Variants in LHFPL2 observed in about 807,000 individuals in gnomAD.
LHFPL2 encodes the protein LHFPL tetraspan subfamily member 2.
Under a neutral mutation model 17.5 loss-of-function variants are expected in LHFPL2, and 7 were observed. The observed-to-expected ratio is 0.40, with a 90% confidence interval of 0.23 to 0.75. The LOEUF (loss-of-function observed/expected upper bound fraction) is 0.75, where lower values mean the gene tolerates loss of function less well. Among genes scored for constraint, LHFPL2 ranks in the 30% least tolerant of loss-of-function variants. The probability of loss-of-function intolerance (pLI) is 0.37; values close to 1 mark genes in which losing one functional copy is unlikely to be tolerated. For synonymous variants in LHFPL2, 134 were observed against 116.2 expected, an observed-to-expected ratio of 1.15 and a Z score of -0.99; for missense variants, 241 against 294.8, an observed-to-expected ratio of 0.82 and a Z score of 1.34.
intron 2 of LHFPL2, among the ~76,000 whole-genome samples, chr5:78,605,166 T>C (rs764455080): frequency 6.6e-6 from 1 of 152,238 alleles, no homozygotes; most frequent in Non-Finnish European, 1.5e-5. Context: ...GCAGAAGCCA[T>C]GGCTTGGCTT....
intron 3 of LHFPL2, among the ~76,000 whole-genome samples, chr5:78,550,067 G>A (rs1204926795): frequency 1.3e-5 from 2 of 152,126 alleles, no homozygotes; most frequent in East Asian, 1.9e-4. Flanking sequence ...TAAATTCCAC[G>A]TTTGAAATTC....
intron 2 of LHFPL2, among the ~76,000 whole-genome samples, chr5:78,578,864 G>T (rs748951117): frequency 5.3e-5 from 8 of 152,154 alleles, no homozygotes; most frequent in Non-Finnish European, 1.2e-4. Flanking sequence ...TTGTAACAAA[G>T]TACAATGGCC....
At chr5:78,545,349 A>T (rs1454356188) in intron 3 of LHFPL2, among the ~76,000 whole-genome samples, 1 of 152,192 alleles carries the variant, frequency 6.6e-6, no homozygotes, top group East Asian at 1.9e-4. Flanking sequence ...CTCTGTGAAG[A>T]TCCAGCATGG....
At chr5:78,600,008 A>C (rs1398824592) in intron 2 of LHFPL2, among the ~76,000 whole-genome samples, 1 of 152,154 alleles carries the variant, frequency 6.6e-6, no homozygotes, top group Non-Finnish European at 1.5e-5. Context: ...CCTCTCACTC[A>C]GATTAATAAT....
At chr5:78,558,040 T>C (rs1344556864) in intron 3 of LHFPL2, among the ~76,000 whole-genome samples, 1 of 152,174 alleles carries the variant, frequency 6.6e-6, no homozygotes, top group Non-Finnish European at 1.5e-5. Context: ...CAGTTTCAGT[T>C]AGGGAGTCAT....
At chr5:78,593,322 G>A (rs1743710067) in intron 2 of LHFPL2, among the ~76,000 whole-genome samples, 2 of 152,134 alleles carry the variant, frequency 1.3e-5, no homozygotes, top group Admixed American at 6.5e-5. Context: ...TTAAGGAAAA[G>A]AAGAGCTAAA....
chr5:78,558,927 T>G (rs1159757334), intron 3 of LHFPL2, among the ~76,000 whole-genome samples: 1 of 152,186 alleles, frequency 6.6e-6, no homozygotes, highest in Non-Finnish European at 1.5e-5. Flanking sequence ...CTATTCCCTG[T>G]ATTTTCAGCT....
intron 2 of LHFPL2, among the ~76,000 whole-genome samples, chr5:78,620,372 ATTTG>A (rs1329727202): frequency 6.6e-6 from 1 of 152,050 alleles, no homozygotes; most frequent in Admixed American, 6.5e-5. Flanking sequence ...TTTCTCGTAA[ATTTG>A]TTTGAGTTCT....
intron 1 of LHFPL2, among the ~76,000 whole-genome samples, chr5:78,634,253 A>G (rs1745351853): frequency 1.3e-5 from 2 of 152,200 alleles, no homozygotes; most frequent in African/African-American, 4.8e-5. Flanking sequence ...CACTCAGGTC[A>G]TGAAGGGAGA....
rs16875636 is a variant in LHFPL2 at position 78,578,328 on chromosome 5, T to C, written c.-244-13457A>G. The stretch of plus-strand genomic sequence containing the variant: ...AGCAATGAGGGAGCTGAAAGAAATA[T>C]AACCTCAGGGGCTGGGAAGAGGAGG... On this transcript the variant is annotated intron_variant, in intron 2 of 4. Transcript: ENST00000380345. Among the ~76,000 whole-genome samples the C allele has an allele frequency of 7.9e-3, 1,205 of 152,210 alleles. 14 individuals are homozygous for C. The highest frequency in any genetic ancestry group is 0.026 in the African/African-American group (1,068 of 41,522).
At chr5:78,514,595 G>A (rs1330188186) in intron 3 of LHFPL2, among the ~76,000 whole-genome samples, 1 of 152,214 alleles carries the variant, frequency 6.6e-6, no homozygotes, top group Non-Finnish European at 1.5e-5. Context: ...AGGGAAGAAA[G>A]TGTATGTGAA....
intron 3 of LHFPL2, among the ~76,000 whole-genome samples, chr5:78,520,955 G>C (rs79785246): frequency 0.03 from 4,539 of 152,250 alleles, 222 homozygotes; most frequent in African/African-American, 0.1. Flanking sequence ...AAAATGCTTG[G>C]AATCACGAAC....
chr5:78,503,961 T>A (rs1425774300), intron 4 of LHFPL2, among the ~76,000 whole-genome samples: 2 of 152,212 alleles, frequency 1.3e-5, no homozygotes, highest in Non-Finnish European at 2.9e-5. Context: ...AGGCATCCAA[T>A]ACAAGTGCCT....
At chr5:78,500,505 G>C (rs1337891545) in intron 4 of LHFPL2, among the ~76,000 whole-genome samples, 1 of 152,104 alleles carries the variant, frequency 6.6e-6, no homozygotes, top group Admixed American at 6.6e-5. Flanking sequence ...GGGGAGGCAA[G>C]ATCTCTTCCT....
In LHFPL2 at chr5:78,633,239, G is replaced by A. The variant is rs1354405775; in HGVS notation, c.-349-871C>T. Reference sequence around the variant, plus strand: ...AGAAAGACAACCCTCATGGTCAGAAGTGAAGCTGAGCTCCCTCCAGCATCT... The same window carrying A: ...AGAAAGACAACCCTCATGGTCAGAAATGAAGCTGAGCTCCCTCCAGCATCT... On this transcript the variant is annotated intron_variant, in intron 1 of 4. Coordinates refer to ENST00000380345, the MANE Select transcript of LHFPL2 (RefSeq NM_005779.3). 2.0e-5 allele frequency among the ~76,000 whole-genome samples: 3 copies of A among 152,190 alleles called. No individual in the cohort carries two copies. In the East Asian group the frequency reaches 5.8e-4, roughly 29 times the overall value.
intron 2 of LHFPL2, among the ~76,000 whole-genome samples, chr5:78,608,571 G>T (rs1195343055): frequency 1.4e-5 from 2 of 144,068 alleles, no homozygotes; most frequent in Non-Finnish European, 3.0e-5. Flanking sequence ...CCTAATTAGC[G>T]ATCTAAATTC....
chr5:78,550,850 C>T (rs1171137117), intron 3 of LHFPL2, among the ~76,000 whole-genome samples: 2 of 152,162 alleles, frequency 1.3e-5, no homozygotes, highest in East Asian at 1.9e-4. Flanking sequence ...GGATTACAGG[C>T]GTCAGTCACC....
At chr5:78,529,508 G>A (rs948770541) in intron 3 of LHFPL2, among the ~76,000 whole-genome samples, 11 of 152,166 alleles carry the variant, frequency 7.2e-5, no homozygotes, top group Admixed American at 2.0e-4. Flanking sequence ...CAGTAACAGG[G>A]GGTTGGTGCA....
At chr5:78,540,230 A>T (rs768977445) in intron 3 of LHFPL2, among the ~76,000 whole-genome samples, 2 of 152,110 alleles carry the variant, frequency 1.3e-5, no homozygotes, top group African/African-American at 2.4e-5. Context: ...ACGAAATGGA[A>T]CTCTTCCAGT....
Sources: allele counts gnomAD v4.1 joint callset (sites outside exome capture counted in the v4.1 genomes callset), GRCh38; gene constraint gnomAD v4.1.1; transcripts MANE v1.5; gene names NCBI Gene and HGNC (gene_info 2026-07-23, HGNC 2026-07-21).